NF1: variants seen among roughly 807,000 people sequenced by gnomAD.
NF1 encodes neurofibromin 1.
NF1 carries 122 observed loss-of-function variants against 325.7 expected under a neutral mutation model. That is an observed-to-expected ratio of 0.37 (90% CI 0.32 to 0.44). NF1 has a LOEUF of 0.44. NF1 is among the 20% of genes least tolerant of loss of function. The pLI, the probability that NF1 is intolerant of heterozygous loss-of-function variation, is 1.00. For missense variants in NF1, 2,140 were observed against 3,415.4 expected, an observed-to-expected ratio of 0.63 and a Z score of 9.31; for synonymous variants, 1,091 against 1,186.0, an observed-to-expected ratio of 0.92 and a Z score of 1.65.
intron 57 of NF1, chr17:31,367,310 A>T: frequency 7.9e-7 from 1 of 1,273,224 alleles, no homozygotes; most frequent in Non-Finnish European, 1.0e-6. Flanking sequence ...TTTGCACGAA[A>T]ATACTGCTTA....
intron 4 of NF1, among the ~76,000 whole-genome samples, chr17:31,167,404 A>C (rs1380343416): frequency 6.6e-6 from 1 of 152,218 alleles, no homozygotes; most frequent in Non-Finnish European, 1.5e-5. Context: ...CGAGAATTTG[A>C]GAAGGAAGAA....
At chr17:31,162,271 G>C (rs2065776079) in intron 3 of NF1, among the ~76,000 whole-genome samples, 1 of 151,794 alleles carries the variant, frequency 6.6e-6, no homozygotes, top group Non-Finnish European at 1.5e-5. Flanking sequence ...GAGGTCAGGA[G>C]TTCGAGACCA....
chr17:31,182,173 G>A (rs2066150150), intron 7 of NF1, among the ~76,000 whole-genome samples: 1 of 152,190 alleles, frequency 6.6e-6, no homozygotes, highest in Admixed American at 6.5e-5. Flanking sequence ...GACTCCTGGA[G>A]AACTTTGGTA....
At chr17:31,127,978 G>T (rs1915026997) in intron 1 of NF1, among the ~76,000 whole-genome samples, 16 of 151,738 alleles carry the variant, frequency 1.1e-4, no homozygotes, top group Admixed American at 1.1e-3. Flanking sequence ...TGTTTTGTTT[G>T]GTTTTGTTTT....
At chr17:31,142,736 A>G (rs1423905303) in intron 1 of NF1, among the ~76,000 whole-genome samples, 1 of 152,028 alleles carries the variant, frequency 6.6e-6, no homozygotes, top group Non-Finnish European at 1.5e-5. Flanking sequence ...GTGTGGTGGC[A>G]GGCGCCTGTA....
At chr17:31,303,580 G>A (rs371767002) in intron 36 of NF1, among the ~76,000 whole-genome samples, 1 of 151,944 alleles carries the variant, frequency 6.6e-6, no homozygotes, top group African/African-American at 2.4e-5. Flanking sequence ...TTGTTTGGGT[G>A]TTTATAAAGA....
intron 15 of NF1, chr17:31,222,693 TC>T: frequency 4.3e-6 from 1 of 230,442 alleles, no homozygotes; most frequent in Non-Finnish European, 7.6e-6. Flanking sequence ...ATCTATAATT[TC>T]AACATGTAAT....
intron 29 of NF1, among the ~76,000 whole-genome samples, chr17:31,239,307 G>A (rs1320338150): frequency 1.3e-5 from 2 of 152,170 alleles, no homozygotes. Context: ...GGGCTTATCA[G>A]TAGTCTGGGC....
chr17:31,322,497 G>A (rs913974692), intron 36 of NF1, among the ~76,000 whole-genome samples: 3 of 42,078 alleles, frequency 7.1e-5, no homozygotes, highest in African/African-American at 2.7e-4. Context: ...GTAAGACTCT[G>A]TCTCAAAAAA....
At position 31,292,651 on chromosome 17, in the gene NF1, A is replaced by G. The variant is rs564547706; in HGVS notation, c.4835+27312A>G. On this transcript the variant is annotated intron_variant, in intron 36 of 57. Coordinates refer to ENST00000358273, the MANE Select transcript of NF1 (RefSeq NM_001042492.3). Reference sequence around the variant, plus strand: ...AGGGTCAACTTTACTTTAAGGCTAGATAATTCTTCTGTCTAAGAACTTAGA... The same window carrying G: ...AGGGTCAACTTTACTTTAAGGCTAGGTAATTCTTCTGTCTAAGAACTTAGA... Among the ~76,000 whole-genome samples, 18 of 152,300 alleles carry G rather than the reference A, an allele frequency of 1.2e-4. 1 individual carries two copies. The highest frequency in any genetic ancestry group is 4.3e-4 in the African/African-American group (18 of 41,544).
At chr17:31,210,463 T>C (rs2066709465) in intron 12 of NF1, among the ~76,000 whole-genome samples, 1 of 152,070 alleles carries the variant, frequency 6.6e-6, no homozygotes, top group South Asian at 2.1e-4. Flanking sequence ...CAGGCACTTG[T>C]AGTTATAGCT....
intron 36 of NF1, among the ~76,000 whole-genome samples, chr17:31,279,625 T>C (rs1046924855): frequency 2.6e-5 from 4 of 151,198 alleles, no homozygotes; most frequent in Admixed American, 2.0e-4. Context: ...TATTTGGGAG[T>C]TTTGTGAACA....
chr17:31,300,767 C>G (rs2068556741), intron 36 of NF1, among the ~76,000 whole-genome samples: 1 of 152,110 alleles, frequency 6.6e-6, no homozygotes, highest in South Asian at 2.1e-4. Flanking sequence ...GTCCCACCAA[C>G]AGTGTATCAT....
rs1367868105 is a variant in NF1, at chr17:31,095,189, C to G, written c.-121C>G. 9.3e-6 allele frequency: 8 copies of G among 860,402 alleles called. No homozygotes were observed. In the South Asian group the frequency reaches 9.9e-5, roughly 11 times the overall value. The allele number at this position is 860,402 out of a possible 1,614,324, so 53.3% of individuals were successfully genotyped here. ...CCACCCCCGTGGGAACACTGGGAGC[C>G]TGCACTCCACAGACCCTCTCCTTGC... On this transcript the variant is annotated 5_prime_UTR_variant, in exon 1 of 58. Coordinates refer to ENST00000358273, the MANE Select transcript of NF1 (RefSeq NM_001042492.3).
At chr17:31,260,641 A>G in intron 34 of NF1, 126 bp downstream of exon 34, 1 of 1,204,284 alleles carries the variant, frequency 8.3e-7, no homozygotes, top group Non-Finnish European at 1.2e-6. Flanking sequence ...GTTTAGAAAG[A>G]GAAAGATTCT....
chr17:31,138,523 C>CA (rs1915955383), intron 1 of NF1: 1 of 152,048 alleles, frequency 6.6e-6, no homozygotes, highest in Admixed American at 6.6e-5. Context: ...CTGGGCTTCT[C>CA]AAAGTGCTGA....
chr17:31,255,143 C>G (rs931082271), intron 31 of NF1, among the ~76,000 whole-genome samples: 1 of 152,126 alleles, frequency 6.6e-6, no homozygotes, highest in African/African-American at 2.4e-5. Context: ...CTGCCTAACT[C>G]AGGGAGAATG....
intron 31 of NF1, 64 bp from the exon 32 acceptor site, chr17:31,258,280 C>A (rs2151461506): frequency 3.2e-6 from 5 of 1,585,244 alleles, no homozygotes; most frequent in Non-Finnish European, 4.3e-6. Context: ...CCTTTGAACT[C>A]TTTGTTTTCA....
At chr17:31,359,712 C>G (rs2070357011) in intron 56 of NF1, 1 of 153,994 alleles carries the variant, frequency 6.5e-6, no homozygotes, top group South Asian at 2.0e-4. Context: ...CCCACCTCGG[C>G]CTCCCAAAGT....
Sources: allele counts gnomAD v4.1 joint callset (sites outside exome capture counted in the v4.1 genomes callset), GRCh38; gene constraint gnomAD v4.1.1; transcripts MANE v1.5; gene names NCBI Gene and HGNC (gene_info 2026-07-23, HGNC 2026-07-21).